EFCAB11: variants seen among roughly 807,000 people sequenced by gnomAD.
EFCAB11 encodes EF-hand calcium binding domain 11.
In EFCAB11, 14 loss-of-function variants were observed where a neutral mutation model predicts 23.0. That is an observed-to-expected ratio of 0.61 (90% confidence interval 0.40 to 0.95). The LOEUF (loss-of-function observed/expected upper bound fraction) is 0.95, where lower values mean the gene tolerates loss of function less well. EFCAB11 is among the 40% of genes least tolerant of loss of function. The pLI, the probability that EFCAB11 is intolerant of heterozygous loss-of-function variation, is 0.00. For synonymous variants in EFCAB11, 65 were observed against 66.6 expected, an observed-to-expected ratio of 0.98 and a Z score of 0.11; for missense variants, 198 against 195.8, an observed-to-expected ratio of 1.01 and a Z score of -0.07.
chr14:89,875,308 A>AC, intron 5 of EFCAB11, among the ~76,000 whole-genome samples: 1 of 152,138 alleles, frequency 6.6e-6, no homozygotes, highest in East Asian at 1.9e-4. Flanking sequence ...GGAAAAACCC[A>AC]CCCCCATGAT....
At chr14:89,928,688 A>G (rs1890272961) in intron 5 of EFCAB11, among the ~76,000 whole-genome samples, 1 of 146,228 alleles carries the variant, frequency 6.8e-6, no homozygotes, top group Non-Finnish European at 1.5e-5. Context: ...ATGTTTATAT[A>G]TGTTAATCAT....
intron 5 of EFCAB11, among the ~76,000 whole-genome samples, chr14:89,874,045 C>T (rs1207498910): frequency 6.6e-6 from 1 of 152,218 alleles, no homozygotes; most frequent in African/African-American, 2.4e-5. Flanking sequence ...TCCATGAGGG[C>T]TCTACCCCTG....
chr14:89,827,628 C>CTTTTTT (rs36007256), intron 5 of EFCAB11, among the ~76,000 whole-genome samples: 9 of 105,114 alleles, frequency 8.6e-5, no homozygotes, highest in Admixed American at 1.1e-4. Flanking sequence ...TTTATTCACT[C>CTTTTTT]TTTTTTTTTT....
intron 5 of EFCAB11, among the ~76,000 whole-genome samples, chr14:89,884,830 G>C (rs918683154): frequency 3.9e-5 from 6 of 152,166 alleles, no homozygotes; most frequent in African/African-American, 1.4e-4. Context: ...ATGAGAGTGG[G>C]ACCATCATAA....
chr14:89,834,161 G>C (rs1886979558), intron 5 of EFCAB11, among the ~76,000 whole-genome samples: 1 of 151,378 alleles, frequency 6.6e-6, no homozygotes, highest in African/African-American at 2.4e-5. Context: ...GAGACCACAA[G>C]GTCAGGAGAT....
At chr14:89,870,164 A>C (rs1023689777) in intron 5 of EFCAB11, among the ~76,000 whole-genome samples, 4 of 152,234 alleles carry the variant, frequency 2.6e-5, no homozygotes, top group African/African-American at 9.6e-5. Context: ...GGTGTTTAGC[A>C]TCTGTTTTCA....
At chr14:89,927,087 T>TCAAA (rs3058959) in intron 5 of EFCAB11, among the ~76,000 whole-genome samples, 28,609 of 152,088 alleles carry the variant, frequency 0.19, 3,108 homozygotes, top group South Asian at 0.32. Flanking sequence ...CATTTAGTTC[T>TCAAA]CACTTTCAGA....
intron 3 of EFCAB11, among the ~76,000 whole-genome samples, chr14:89,936,303 C>A (rs1890580214): frequency 6.6e-6 from 1 of 152,178 alleles, no homozygotes; most frequent in South Asian, 2.1e-4. Flanking sequence ...GTGGTGATAT[C>A]TTTTAAATTA....
chr14:89,866,745 T>A (rs1411145043), intron 5 of EFCAB11, among the ~76,000 whole-genome samples: 1 of 152,262 alleles, frequency 6.6e-6, no homozygotes, highest in African/African-American at 2.4e-5. Context: ...TTTGGTTTTC[T>A]ATGACAGCAG....
intron 5 of EFCAB11, among the ~76,000 whole-genome samples, chr14:89,846,345 G>A (rs190030466): frequency 2.4e-4 from 36 of 152,282 alleles, no homozygotes; most frequent in Non-Finnish European, 4.1e-4. Context: ...ATGAAAGAAC[G>A]TCACTAACCA....
At chr14:89,953,425 C>CA (rs899712126) in intron 2 of EFCAB11, among the ~76,000 whole-genome samples, 2 of 152,124 alleles carry the variant, frequency 1.3e-5, no homozygotes, top group Non-Finnish European at 2.9e-5. Flanking sequence ...CAGAATTACA[C>CA]AAAAAAACTG....
intron 5 of EFCAB11, chr14:89,892,076 G>A: frequency 4.5e-6 from 7 of 1,543,340 alleles, no homozygotes; most frequent in Non-Finnish European, 6.1e-6. Context: ...GGTCTTTGAT[G>A]TGACAAACAG....
intron 5 of EFCAB11, among the ~76,000 whole-genome samples, chr14:89,865,243 TGA>T (rs1888047597): frequency 1.3e-5 from 2 of 152,322 alleles, no homozygotes; most frequent in East Asian, 1.9e-4. Context: ...GGTTCTGTTG[TGA>T]GAGTCAACGA....
chr14:89,852,256 A>G (rs912337446), intron 5 of EFCAB11, among the ~76,000 whole-genome samples: 16 of 152,250 alleles, frequency 1.1e-4, no homozygotes, highest in African/African-American at 3.9e-4. Context: ...CTGGACCAGA[A>G]GTTAATCAGT....
intron 5 of EFCAB11, among the ~76,000 whole-genome samples, chr14:89,804,186 AAGC>A (rs1299878145): frequency 6.6e-6 from 1 of 152,220 alleles, no homozygotes; most frequent in Non-Finnish European, 1.5e-5. Context: ...CCAAACGTGG[AAGC>A]ATGAAAAGGA....
intron 5 of EFCAB11, among the ~76,000 whole-genome samples, chr14:89,810,950 A>G (rs1027089855): frequency 5.9e-5 from 9 of 152,096 alleles, no homozygotes; most frequent in Non-Finnish European, 1.2e-4. Flanking sequence ...TTCTATTAAT[A>G]CAAGCAAAAT....
chr14:89,800,155 C>T (rs1423211405), intron 5 of EFCAB11, among the ~76,000 whole-genome samples: 3 of 151,884 alleles, frequency 2.0e-5, no homozygotes. Flanking sequence ...CACTGCACTC[C>T]AGCCTGGGCG....
At chr14:89,797,672 C>T (rs1320785525) in intron 5 of EFCAB11, among the ~76,000 whole-genome samples, 1 of 152,208 alleles carries the variant, frequency 6.6e-6, no homozygotes, top group African/African-American at 2.4e-5. Flanking sequence ...TGGCTCACAC[C>T]TGTAATCCCA....
chr14:89,877,122 C>T (rs1192638448), intron 5 of EFCAB11, among the ~76,000 whole-genome samples: 1 of 151,992 alleles, frequency 6.6e-6, no homozygotes, highest in African/African-American at 2.4e-5. Context: ...TCACTGAAAC[C>T]TCTGCTTCCT....
Sources: allele counts gnomAD v4.1 joint callset (sites outside exome capture counted in the v4.1 genomes callset), GRCh38; gene constraint gnomAD v4.1.1; transcripts MANE v1.5; gene names NCBI Gene and HGNC (gene_info 2026-07-23, HGNC 2026-07-21).